Variants in LHFPL3 observed in about 807,000 individuals in gnomAD.
LHFPL3 encodes the protein LHFPL tetraspan subfamily member 3.
LHFPL3 carries 5 observed loss-of-function variants against 19.3 expected under a neutral mutation model. The ratio of observed to expected loss-of-function variants is 0.26; its 90% CI spans 0.14 to 0.54. The LOEUF (loss-of-function observed/expected upper bound fraction) is 0.54, where lower values mean the gene tolerates loss of function less well. Ranked by LOEUF, LHFPL3 falls within the 20% of genes least tolerant of loss-of-function variation. The pLI is 0.94. For synonymous variants in LHFPL3, 133 were observed against 126.2 expected (o/e 1.05, Z -0.36); for missense variants, 249 against 307.4 (o/e 0.81, Z 1.42).
At chr7:104,761,978 C>T (rs921082230) in intron 2 of LHFPL3, among the ~76,000 whole-genome samples, 1 of 152,170 alleles carries the variant, frequency 6.6e-6, no homozygotes, top group Non-Finnish European at 1.5e-5. Flanking sequence ...TTACTTATAG[C>T]ACAGTGATTC....
chr7:104,874,091 G>A (rs1374855432), intron 2 of LHFPL3, among the ~76,000 whole-genome samples: 1 of 152,190 alleles, frequency 6.6e-6, no homozygotes, highest in East Asian at 1.9e-4. Flanking sequence ...GGACTCCCAA[G>A]AAATGTCATC....
At chr7:104,400,667 C>T (rs1791297415) in intron 1 of LHFPL3, among the ~76,000 whole-genome samples, 2 of 152,094 alleles carry the variant, frequency 1.3e-5, no homozygotes, top group Admixed American at 1.3e-4. Context: ...AAATCCTCTC[C>T]ACTCAGCCAG....
At chr7:104,677,816 C>T (rs11767604) in intron 1 of LHFPL3, among the ~76,000 whole-genome samples, 72,718 of 152,118 alleles carry the variant, frequency 0.48, 18,002 homozygotes, top group South Asian at 0.64. Flanking sequence ...CAGATTAGCA[C>T]GTGTCCCCAT....
At chr7:104,594,999 G>A (rs183291837) in intron 1 of LHFPL3, among the ~76,000 whole-genome samples, 102 of 152,252 alleles carry the variant, frequency 6.7e-4, no homozygotes, top group African/African-American at 2.3e-3. Context: ...CTTTTAGCTC[G>A]GAGAAGTTTG....
At chr7:104,754,091 T>C (rs1415352988) in intron 2 of LHFPL3, among the ~76,000 whole-genome samples, 2 of 152,170 alleles carry the variant, frequency 1.3e-5, no homozygotes, top group African/African-American at 4.8e-5. Context: ...GGAGGAAATC[T>C]GGTTGTTCAC....
chr7:104,648,412 C>T (rs1562957710), intron 1 of LHFPL3, among the ~76,000 whole-genome samples: 1 of 152,138 alleles, frequency 6.6e-6, no homozygotes, highest in Non-Finnish European at 1.5e-5. Flanking sequence ...CTCCAGACCC[C>T]TACAAAAAGA....
intron 2 of LHFPL3, among the ~76,000 whole-genome samples, chr7:104,839,092 C>G (rs1791149989): frequency 6.6e-6 from 1 of 152,134 alleles, no homozygotes; most frequent in Admixed American, 6.5e-5. Context: ...CTGCAGGTTC[C>G]TAGTAGGCTG....
At chr7:104,509,849 A>T (rs1353680860) in intron 1 of LHFPL3, among the ~76,000 whole-genome samples, 1 of 152,138 alleles carries the variant, frequency 6.6e-6, no homozygotes, top group African/African-American at 2.4e-5. Flanking sequence ...AGTCCCAAGG[A>T]ATCTACAAAA....
At chr7:104,612,335 T>C (rs968276279) in intron 1 of LHFPL3, among the ~76,000 whole-genome samples, 2 of 152,144 alleles carry the variant, frequency 1.3e-5, no homozygotes, top group Non-Finnish European at 2.9e-5. Context: ...TAAAATAAAA[T>C]GAGTCAAGTA....
intron 2 of LHFPL3, among the ~76,000 whole-genome samples, chr7:104,844,964 T>A (rs1385627319): frequency 6.6e-6 from 1 of 152,224 alleles, no homozygotes; most frequent in Admixed American, 6.5e-5. Flanking sequence ...AATCTCGAAC[T>A]CCTGACCTCA....
chr7:104,666,056 T>TATTTGTAC (rs1349599038), intron 1 of LHFPL3, among the ~76,000 whole-genome samples: 1 of 152,224 alleles, frequency 6.6e-6, no homozygotes, highest in African/African-American at 2.4e-5. Flanking sequence ...TAATACATAA[T>TATTTGTAC]ATTTGTACAT....
intron 2 of LHFPL3, among the ~76,000 whole-genome samples, chr7:104,775,510 ATTGT>A (rs991541017): frequency 2.6e-5 from 4 of 152,120 alleles, no homozygotes; most frequent in African/African-American, 7.2e-5. Context: ...AAATACCAAC[ATTGT>A]TTGTACAAAT....
At chr7:104,459,363 C>T (rs1357396330) in intron 1 of LHFPL3, among the ~76,000 whole-genome samples, 1 of 152,120 alleles carries the variant, frequency 6.6e-6, no homozygotes, top group Non-Finnish European at 1.5e-5. Context: ...TAACACATTT[C>T]CAACCAAAAT....
At chr7:104,633,171 G>A (rs981472624) in intron 1 of LHFPL3, among the ~76,000 whole-genome samples, 7 of 152,186 alleles carry the variant, frequency 4.6e-5, no homozygotes, top group South Asian at 2.1e-4. Context: ...TTCTATTTTC[G>A]TCATCTGCAA....
At chr7:104,364,952 G>A (rs1790455376) in intron 1 of LHFPL3, among the ~76,000 whole-genome samples, 1 of 152,198 alleles carries the variant, frequency 6.6e-6, no homozygotes, top group Non-Finnish European at 1.5e-5. Flanking sequence ...TCAGTTGAGA[G>A]AGATACTGAG....
At chr7:104,497,626 TAA>T (rs61246004) in intron 1 of LHFPL3, among the ~76,000 whole-genome samples, 1,641 of 132,454 alleles carry the variant, frequency 0.012, 28 homozygotes, top group African/African-American at 0.039. Flanking sequence ...ACACACCAAT[TAA>T]AAAAAAAAAA....
chr7:104,697,589 G>A (rs1433175291), intron 1 of LHFPL3, among the ~76,000 whole-genome samples: 2 of 152,210 alleles, frequency 1.3e-5, no homozygotes, highest in Non-Finnish European at 2.9e-5. Context: ...AAGAATATAA[G>A]TATAATAATT....
chr7:104,649,904 T>A (rs1791999627), intron 1 of LHFPL3, among the ~76,000 whole-genome samples: 1 of 152,184 alleles, frequency 6.6e-6, no homozygotes, highest in Admixed American at 6.5e-5. Context: ...CTGGGGCTTG[T>A]TAGAAATGCA....
intron 2 of LHFPL3, among the ~76,000 whole-genome samples, chr7:104,772,435 C>G (rs1180184292): frequency 6.6e-6 from 1 of 152,114 alleles, no homozygotes; most frequent in Admixed American, 6.5e-5. Flanking sequence ...GCCATGCAGC[C>G]CCTACGGTGT....
Sources: allele counts gnomAD v4.1 joint callset (sites outside exome capture counted in the v4.1 genomes callset), GRCh38; gene constraint gnomAD v4.1.1; transcripts MANE v1.5; gene names NCBI Gene and HGNC (gene_info 2026-07-23, HGNC 2026-07-21).